The following SPMIP2 variants were observed in gnomAD, a reference collection of about 807,000 sequenced individuals.
SPMIP2 encodes the protein protein SPMIP2.
chr4:159,065,487 G>C, the SPMIP2 span, among the ~76,000 whole-genome samples: 2 of 152,150 alleles, frequency 1.3e-5, no homozygotes, highest in Non-Finnish European at 2.9e-5. Flanking sequence ...GGAGGCCAAG[G>C]CTGGCAAATC....
the SPMIP2 span, among the ~76,000 whole-genome samples, chr4:159,071,651 C>A: frequency 6.6e-6 from 1 of 152,156 alleles, no homozygotes; most frequent in African/African-American, 2.4e-5. Flanking sequence ...TGCCTCCTTC[C>A]TGCTAATGTT....
chr4:158,942,581 C>A, the SPMIP2 span, among the ~76,000 whole-genome samples: 1 of 152,134 alleles, frequency 6.6e-6, no homozygotes, highest in Non-Finnish European at 1.5e-5. Flanking sequence ...ACCAGCCTGG[C>A]TAACATGATG....
At chr4:158,996,117 T>C in the SPMIP2 span, among the ~76,000 whole-genome samples, 2 of 152,202 alleles carry the variant, frequency 1.3e-5, no homozygotes, top group African/African-American at 2.4e-5. Flanking sequence ...AAATGCATAG[T>C]AATATTTGCT....
the SPMIP2 span, among the ~76,000 whole-genome samples, chr4:159,055,756 A>G: frequency 6.6e-6 from 1 of 152,138 alleles, no homozygotes; most frequent in Non-Finnish European, 1.5e-5. Flanking sequence ...AACGAAAAAC[A>G]AAAACACGAA....
chr4:158,996,829 T>A, the SPMIP2 span, among the ~76,000 whole-genome samples: 1 of 152,198 alleles, frequency 6.6e-6, no homozygotes, highest in Non-Finnish European at 1.5e-5. Context: ...GATAAATTCC[T>A]CTCTCATTTT....
the SPMIP2 span, chr4:159,035,207 A>G: frequency 1.2e-6 from 1 of 812,670 alleles, no homozygotes; most frequent in East Asian, 2.6e-5. Context: ...CCTGCTTGTG[A>G]CCTGCACCAG....
chr4:158,924,546 A>T, the SPMIP2 span, among the ~76,000 whole-genome samples: 1 of 150,718 alleles, frequency 6.6e-6, no homozygotes, highest in Non-Finnish European at 1.5e-5. Flanking sequence ...TGCCTGGCTA[A>T]TTTTTTTGTA....
At chr4:159,035,005 T>C in the SPMIP2 span, 1 of 1,582,046 alleles carries the variant, frequency 6.3e-7, no homozygotes, top group Non-Finnish European at 8.7e-7. Flanking sequence ...TAGATCTCCT[T>C]GTGAAAGCAA....
the SPMIP2 span, among the ~76,000 whole-genome samples, chr4:159,082,308 G>A: frequency 6.6e-6 from 1 of 152,048 alleles, no homozygotes; most frequent in Non-Finnish European, 1.5e-5. Flanking sequence ...ACTCCAGCCT[G>A]GGTGACAGAG....
At chr4:159,049,729 A>G in the SPMIP2 span, among the ~76,000 whole-genome samples, 4 of 152,342 alleles carry the variant, frequency 2.6e-5, no homozygotes, top group African/African-American at 9.6e-5. Flanking sequence ...TGATTCGTTA[A>G]GAATATTGAT....
chr4:158,983,144 A>G, the SPMIP2 span, among the ~76,000 whole-genome samples: 3 of 152,204 alleles, frequency 2.0e-5, no homozygotes, highest in African/African-American at 4.8e-5. Context: ...AAAGCCTCCA[A>G]GAAATATGGG....
chr4:158,975,224 A>C, the SPMIP2 span, among the ~76,000 whole-genome samples: 1 of 151,834 alleles, frequency 6.6e-6, no homozygotes. Context: ...TAGATTGCAA[A>C]AATTTTCTCC....
the SPMIP2 span, among the ~76,000 whole-genome samples, chr4:158,922,625 G>C: frequency 6.6e-6 from 1 of 152,138 alleles, no homozygotes; most frequent in African/African-American, 2.4e-5. Flanking sequence ...TGAATCCACA[G>C]ATATTTAAGT....
chr4:159,054,182 T>G, the SPMIP2 span, among the ~76,000 whole-genome samples: 2 of 152,088 alleles, frequency 1.3e-5, no homozygotes, highest in Non-Finnish European at 2.9e-5. Flanking sequence ...AGGGTCTCAC[T>G]ATGTTGCCCA....
At chr4:158,901,077 C>T in the SPMIP2 span, among the ~76,000 whole-genome samples, 1 of 149,792 alleles carries the variant, frequency 6.7e-6, no homozygotes, top group Non-Finnish European at 1.5e-5. Context: ...GATTTTATTT[C>T]TCCTTTGCTT....
the SPMIP2 span, among the ~76,000 whole-genome samples, chr4:158,961,508 T>C: frequency 6.6e-6 from 1 of 152,108 alleles, no homozygotes; most frequent in Non-Finnish European, 1.5e-5. Context: ...GGGACAGCTT[T>C]TTTTCTCAAT....
chr4:158,933,509 C>T, the SPMIP2 span, among the ~76,000 whole-genome samples: 1 of 152,120 alleles, frequency 6.6e-6, no homozygotes, highest in African/African-American at 2.4e-5. Flanking sequence ...TGAAGTTGTG[C>T]CTTGGGTTGC....
chr4:158,930,507 CT>C, the SPMIP2 span, among the ~76,000 whole-genome samples: 94,770 of 144,568 alleles, frequency 0.66, 30,954 homozygotes, highest in East Asian at 0.89. Context: ...TAATGCCTGG[CT>C]TTTTTTTTTT....
chr4:158,911,814 G>T, the SPMIP2 span, among the ~76,000 whole-genome samples: 1 of 152,204 alleles, frequency 6.6e-6, no homozygotes, highest in Non-Finnish European at 1.5e-5. Context: ...ATGAGGAAAA[G>T]AATGTATCAG....
Sources: allele counts gnomAD v4.1 joint callset (sites outside exome capture counted in the v4.1 genomes callset), GRCh38; gene constraint gnomAD v4.1.1; transcripts MANE v1.5; gene names NCBI Gene and HGNC (gene_info 2026-07-23, HGNC 2026-07-21).